Variants in DOK6 observed in about 807,000 individuals in gnomAD.
DOK6 encodes the protein downstream of tyrosine kinase 6.
DOK6 carries 22 observed loss-of-function variants against 44.0 expected under a neutral mutation model. The observed-to-expected ratio is 0.50, with a 90% confidence interval of 0.36 to 0.71. DOK6 has a LOEUF of 0.71. DOK6 is among the 30% of genes least tolerant of loss of function. The pLI is 0.00. For synonymous variants in DOK6, 166 were observed against 145.5 expected (o/e 1.14, Z -1.01); for missense variants, 340 against 416.4 (o/e 0.82, Z 1.60).
At chr18:69,467,338 G>A (rs1383704378) in intron 1 of DOK6, among the ~76,000 whole-genome samples, 3 of 152,050 alleles carry the variant, frequency 2.0e-5, no homozygotes, top group Non-Finnish European at 4.4e-5. Context: ...TAAAAAACAA[G>A]TGCTTCCTGT....
chr18:69,758,521 C>T (rs889245476), intron 7 of DOK6, among the ~76,000 whole-genome samples: 1 of 152,102 alleles, frequency 6.6e-6, no homozygotes, highest in African/African-American at 2.4e-5. Flanking sequence ...CCAGCTTCAG[C>T]AGTTGTCTTC....
intron 3 of DOK6, among the ~76,000 whole-genome samples, chr18:69,665,888 G>A (rs1311962270): frequency 1.3e-5 from 2 of 151,778 alleles, no homozygotes; most frequent in Non-Finnish European, 2.9e-5. Context: ...GGTTTTGGTG[G>A]GAGAACCACC....
chr18:69,824,684 C>A (rs35159959), intron 7 of DOK6, among the ~76,000 whole-genome samples: 39,652 of 152,092 alleles, frequency 0.26, 5,192 homozygotes, highest in Non-Finnish European at 0.27. Flanking sequence ...TAACAAAAAT[C>A]GTTTACAAAC....
At chr18:69,429,886 T>C (rs538172537) in intron 1 of DOK6, among the ~76,000 whole-genome samples, 7 of 152,080 alleles carry the variant, frequency 4.6e-5, no homozygotes, top group Admixed American at 1.3e-4. Context: ...TTGGTTAAAC[T>C]ATTCATTATC....
At chr18:69,577,280 G>A (rs142331287) in intron 2 of DOK6, among the ~76,000 whole-genome samples, 2,003 of 152,208 alleles carry the variant, frequency 0.013, 55 homozygotes, top group Admixed American at 0.062. Context: ...TTGATTCCAC[G>A]AAGAAACGGC....
chr18:69,535,075 G>T (rs1467313771), intron 1 of DOK6, among the ~76,000 whole-genome samples: 1 of 151,974 alleles, frequency 6.6e-6, no homozygotes, highest in Non-Finnish European at 1.5e-5. Flanking sequence ...CACCTGTTAA[G>T]ATTTTAGCTT....
chr18:69,678,068 G>A (rs1301697071), intron 4 of DOK6, among the ~76,000 whole-genome samples: 1 of 152,102 alleles, frequency 6.6e-6, no homozygotes, highest in Non-Finnish European at 1.5e-5. Context: ...GGGCAACATG[G>A]TAAAACCTCA....
chr18:69,700,789 C>T (rs947425793), intron 5 of DOK6, among the ~76,000 whole-genome samples: 4 of 151,980 alleles, frequency 2.6e-5, no homozygotes, highest in Admixed American at 2.0e-4. Context: ...CATTGTGTTC[C>T]CTGGGTCTGG....
chr18:69,561,064 A>G (rs577357374), intron 1 of DOK6, among the ~76,000 whole-genome samples: 2 of 152,198 alleles, frequency 1.3e-5, no homozygotes, highest in African/African-American at 4.8e-5. Flanking sequence ...TGTCATGTGC[A>G]GAAAATTGTA....
At chr18:69,572,398 T>A (rs1211059817) in intron 2 of DOK6, among the ~76,000 whole-genome samples, 1 of 152,066 alleles carries the variant, frequency 6.6e-6, no homozygotes, top group South Asian at 2.1e-4. Flanking sequence ...GTAAAAATCA[T>A]AAGCTTTTAC....
At chr18:69,402,497 C>T (rs1374300024) in intron 1 of DOK6, among the ~76,000 whole-genome samples, 2 of 152,340 alleles carry the variant, frequency 1.3e-5, no homozygotes, top group East Asian at 3.9e-4. Flanking sequence ...CGAAAGAGGG[C>T]AGATCACCAA....
intron 5 of DOK6, among the ~76,000 whole-genome samples, chr18:69,733,168 A>G (rs560328591): frequency 1.3e-5 from 2 of 151,588 alleles, no homozygotes; most frequent in South Asian, 4.2e-4. Flanking sequence ...AGCCTGGGTG[A>G]TAGAGTGAGA....
chr18:69,551,740 T>C (rs1192156410), intron 1 of DOK6, among the ~76,000 whole-genome samples: 1 of 152,206 alleles, frequency 6.6e-6, no homozygotes, highest in Non-Finnish European at 1.5e-5. Flanking sequence ...TTTTAGGAAA[T>C]TCATATATTG....
Position 69,673,608 on chromosome 18 carries a change from T to C in DOK6, c.290-4126T>C, listed in dbSNP as rs191414619. ...GCAGTCAGTCAACCCATTTGTCACA[T>C]AATTCACCATTTAATTTAATCTCTA... is the stretch of plus-strand genomic sequence containing the variant. On this transcript the variant is annotated intron_variant, in intron 3 of 7. Transcript: ENST00000382713. Among the ~76,000 whole-genome samples, 51 of 152,358 alleles carry C rather than the reference T, an allele frequency of 3.3e-4. 1 individual carries two copies. Among genetic ancestry groups the C allele is most frequent in the African/African-American group, 1.2e-3 (49 of 41,588 alleles).
At chr18:69,698,316 G>C in intron 4 of DOK6, 88 bp from the exon 5 acceptor site, 1 of 1,216,714 alleles carries the variant, frequency 8.2e-7, no homozygotes, top group Non-Finnish European at 1.1e-6. Flanking sequence ...GTTTCCTGCA[G>C]TCTGTAGATA....
At chr18:69,499,649 G>A (rs1453415612) in intron 1 of DOK6, among the ~76,000 whole-genome samples, 1 of 152,074 alleles carries the variant, frequency 6.6e-6, no homozygotes, top group East Asian at 1.9e-4. Flanking sequence ...GTTTGTATCT[G>A]CAGCCCAGAC....
intron 5 of DOK6, among the ~76,000 whole-genome samples, chr18:69,709,211 A>G (rs544663053): frequency 9.0e-4 from 137 of 152,294 alleles, no homozygotes; most frequent in African/African-American, 3.2e-3. Context: ...GGTAATAACC[A>G]CATGCATTAG....
At chr18:69,674,319 CT>C (rs1236073801) in intron 3 of DOK6, among the ~76,000 whole-genome samples, 1 of 152,166 alleles carries the variant, frequency 6.6e-6, no homozygotes, top group Admixed American at 6.5e-5. Flanking sequence ...AAGGTTAATA[CT>C]TTTGAGGTGA....
intron 1 of DOK6, among the ~76,000 whole-genome samples, chr18:69,552,341 A>G (rs1457271894): frequency 1.3e-5 from 2 of 152,158 alleles, no homozygotes; most frequent in South Asian, 4.1e-4. Context: ...TATATTAAAG[A>G]TGAATTTTAA....
Sources: gnomAD v4.1 joint callset for allele counts (sites outside exome capture counted in the v4.1 genomes callset) on GRCh38, gnomAD v4.1.1 for gene constraint, MANE v1.5 for transcripts, NCBI Gene and HGNC (gene_info 2026-07-23, HGNC 2026-07-21) for gene names.